COLQ: variants seen among roughly 807,000 people sequenced by gnomAD.
The protein encoded by COLQ is acetylcholinesterase collagenic tail peptide.
A neutral mutation model predicts 69.0 loss-of-function variants in COLQ; 48 were observed. That is an observed-to-expected ratio of 0.70 (90% CI 0.55 to 0.88). The LOEUF (loss-of-function observed/expected upper bound fraction) is 0.88, where lower values mean the gene tolerates loss of function less well. Ranked by LOEUF, COLQ falls within the 40% of genes least tolerant of loss-of-function variation. COLQ has a pLI of 0.00. For missense variants in COLQ, 618 were observed against 594.6 expected (o/e 1.04, Z -0.41); for synonymous variants, 217 against 211.2 (o/e 1.03, Z -0.24).
chr3:15,503,628 C>G (rs2062862765), intron 1 of COLQ, among the ~76,000 whole-genome samples: 1 of 152,128 alleles, frequency 6.6e-6, no homozygotes, highest in Non-Finnish European at 1.5e-5. Context: ...GTGATGTTCC[C>G]CATTCAATCC....
chr3:15,490,290 A>G (rs2062643014), intron 1 of COLQ, among the ~76,000 whole-genome samples: 2 of 152,332 alleles, frequency 1.3e-5, no homozygotes, highest in Non-Finnish European at 2.9e-5. Flanking sequence ...TAAATGTTCA[A>G]TGTTGAAGTA....
intron 2 of COLQ, 117 bp downstream of exon 2, chr3:15,489,408 G>T: frequency 1.1e-6 from 1 of 922,714 alleles, no homozygotes; most frequent in Non-Finnish European, 1.7e-6. Flanking sequence ...GAGGGTTGAG[G>T]CTCTCAGAAA....
chr3:15,493,328 T>TG (rs949653640), intron 1 of COLQ, among the ~76,000 whole-genome samples: 1 of 152,204 alleles, frequency 6.6e-6, no homozygotes, highest in Non-Finnish European at 1.5e-5. Flanking sequence ...ACATGGGCTC[T>TG]GGGGAAAAAG....
intron 3 of COLQ, 31 bp from the exon 4 acceptor site, chr3:15,479,413 T>C (rs369763606): frequency 6.2e-7 from 1 of 1,610,148 alleles, no homozygotes; most frequent in African/African-American, 1.3e-5. Context: ...GTGAAGAAAG[T>C]ATATATCAGT....
chr3:15,488,185 G>A, intron 3 of COLQ, 21 bp downstream of exon 3: 2 of 1,566,126 alleles, frequency 1.3e-6, no homozygotes, highest in Non-Finnish European at 1.8e-6. Flanking sequence ...CAGCGAGAGG[G>A]GTCCGGTAGA....
At chr3:15,514,652 A>C (rs1264145196) in intron 1 of COLQ, among the ~76,000 whole-genome samples, 1 of 152,176 alleles carries the variant, frequency 6.6e-6, no homozygotes, top group Non-Finnish European at 1.5e-5. Context: ...TTTCAAACTA[A>C]GCTGTGCAGA....
intron 3 of COLQ, among the ~76,000 whole-genome samples, chr3:15,486,061 A>T (rs931646024): frequency 9.9e-5 from 15 of 152,218 alleles, no homozygotes; most frequent in African/African-American, 3.6e-4. Flanking sequence ...TAATGTGTAG[A>T]TAAGTTTGAG....
chr3:15,519,693 T>C (rs946420483), intron 1 of COLQ, among the ~76,000 whole-genome samples: 8 of 152,294 alleles, frequency 5.3e-5, no homozygotes, highest in African/African-American at 1.9e-4. Flanking sequence ...CCCTGATTGG[T>C]ACAGTCTGCA....
In COLQ at chr3:15,473,899, C is replaced by A; in HGVS notation, c.636+101G>T. 1 of 1,313,594 alleles carries A rather than the reference C, an allele frequency of 7.6e-7. No individual in the cohort carries two copies. Among genetic ancestry groups the A allele is most frequent in the Non-Finnish European group, 1.1e-6 (1 of 917,798 alleles). 81.4% of individuals were successfully genotyped at this position (1,313,594 alleles called of 1,614,324 possible). On this transcript the variant is annotated intron_variant, in intron 10 of 16. Transcript: ENST00000383788. The surrounding 1 kb of genome is among the most constrained non-coding windows in gnomAD (Gnocchi z 4.0). ...TAGAAGTTTCCATGGTTAAACCCAC[C>A]ATCCCTGCCTGATAGACAAGGAGGC... is the stretch of plus-strand genomic sequence containing the variant.
At chr3:15,460,491 TG>T (rs1324451288) in intron 12 of COLQ, among the ~76,000 whole-genome samples, 2 of 152,124 alleles carry the variant, frequency 1.3e-5, no homozygotes, top group Non-Finnish European at 2.9e-5. Context: ...GTATGACATC[TG>T]GGGCAGCCAG....
rs188077164 is a variant in COLQ at position 15,477,431 on chromosome 3, A to C, written c.394-234T>G. Reference sequence around the variant, plus strand: ...TGGAGGGTGGTGAGAAAGGGACTCTAAACTTCTTGGTTTTTTAATTTTTGT... The same window carrying C: ...TGGAGGGTGGTGAGAAAGGGACTCTCAACTTCTTGGTTTTTTAATTTTTGT... On this transcript the variant is annotated intron_variant, in intron 5 of 16. Transcript: ENST00000383788. 1.6e-4 allele frequency: 86 copies of C among 541,876 alleles called. 1 individual carries two copies. In the Admixed American group the frequency reaches 2.1e-3, roughly 13 times the overall value. 33.6% of individuals were successfully genotyped at this position (541,876 alleles called of 1,614,324 possible).
At chr3:15,485,786 T>C (rs2062562939) in intron 3 of COLQ, among the ~76,000 whole-genome samples, 1 of 152,168 alleles carries the variant, frequency 6.6e-6, no homozygotes, top group Non-Finnish European at 1.5e-5. Context: ...GTTGAGACCC[T>C]GTCTCTACAA....
intron 1 of COLQ, chr3:15,498,942 G>C: frequency 8.3e-7 from 1 of 1,198,052 alleles, no homozygotes; most frequent in South Asian, 1.9e-5. Flanking sequence ...CAAACAGGCT[G>C]CTTTTCATTT....
chr3:15,512,458 C>T (rs2062999991), intron 1 of COLQ, among the ~76,000 whole-genome samples: 2 of 152,140 alleles, frequency 1.3e-5, no homozygotes, highest in Non-Finnish European at 1.5e-5. Flanking sequence ...ATTTTTAAAG[C>T]ATCTGGGGAA....
At chr3:15,513,696 G>A (rs1280699667) in intron 1 of COLQ, among the ~76,000 whole-genome samples, 1 of 152,156 alleles carries the variant, frequency 6.6e-6, no homozygotes, top group Non-Finnish European at 1.5e-5. Context: ...CTTCTGAGAA[G>A]GAACCCAAAT....
rs745993482 is a variant in COLQ at position 15,456,030 on chromosome 3, A to C, written c.1075-11T>G. ...GTAGAAAGGGGTCAGCTGGCCAAAG[A>C]AGCACACAGCATTAACTGGAGCATG... is the stretch of plus-strand genomic sequence containing the variant. On this transcript the variant is annotated splice_polypyrimidine_tract_variant and intron_variant, in intron 14 of 16. Transcript: ENST00000383788. The C allele has an allele frequency of 2.5e-6, 4 of 1,613,918 alleles. No homozygotes were observed. The highest frequency in any genetic ancestry group is 3.4e-6 in the Non-Finnish European group (4 of 1,179,932).
At chr3:15,519,577 G>A (rs766199840) in intron 1 of COLQ, among the ~76,000 whole-genome samples, 16 of 152,202 alleles carry the variant, frequency 1.1e-4, no homozygotes, top group Non-Finnish European at 1.6e-4. Context: ...AGGTGCCTCA[G>A]CATTCCTTGT....
chr3:15,450,234 A>G lies in COLQ; in HGVS notation c.*1410T>C, dbSNP rs2061922553. On this transcript the variant is annotated 3_prime_UTR_variant, in exon 17 of 17. Transcript: ENST00000383788. ...AACATCTCCCCAGGCCTCGCAGTAGAGGCGAAGGGAACAGGGCTGCCCATG... is the reference window on the plus strand; with the variant it reads ...AACATCTCCCCAGGCCTCGCAGTAGGGGCGAAGGGAACAGGGCTGCCCATG... 1 of 153,004 alleles carries G rather than the reference A, an allele frequency of 6.5e-6. No homozygotes were observed. The highest frequency in any genetic ancestry group is 1.5e-5 in the Non-Finnish European group (1 of 68,058). The allele number at this position is 153,004 out of a possible 1,614,324, so 9.5% of individuals were successfully genotyped here. A position where few individuals can be genotyped will look rare whatever the true frequency, so the allele number is the denominator to read the frequency against.
At position 15,473,647 on chromosome 3, in the gene COLQ, C is replaced by T. The variant is rs1409992489; in HGVS notation, c.636+353G>A. On this transcript the variant is annotated intron_variant, in intron 10 of 16. Coordinates refer to ENST00000383788, the MANE Select transcript of COLQ (RefSeq NM_005677.4). The surrounding 1 kb of genome is among the most constrained non-coding windows in gnomAD (Gnocchi z 4.0). The stretch of plus-strand genomic sequence containing the variant: ...CCTGTGTGCTGACAGGGGCTTTGAC[C>T]GTTGTGGCTCAGATCTGAGTCCCCT... 2.0e-5 allele frequency among the ~76,000 whole-genome samples: 3 copies of T among 152,232 alleles called. No individual in the cohort carries two copies. The highest frequency in any genetic ancestry group is 4.2e-4 in the South Asian group (2 of 4,816).
Sources: gnomAD v4.1 joint callset for allele counts (sites outside exome capture counted in the v4.1 genomes callset) on GRCh38, gnomAD v4.1.1 for gene constraint, Gnocchi (gnomAD v3.1) non-coding constraint, MANE v1.5 for transcripts, NCBI Gene and HGNC (gene_info 2026-07-23, HGNC 2026-07-21) for gene names.